Variants in SCTR observed in about 807,000 individuals in gnomAD.
The protein encoded by SCTR is pancreatic secretin receptor.
In SCTR, 56 loss-of-function variants were observed where a neutral mutation model predicts 60.8. The observed-to-expected ratio is 0.92, with a 90% CI of 0.74 to 1.15. The LOEUF is 1.15. Among genes scored for constraint, SCTR ranks in the 50% most tolerant of loss-of-function variants. The probability of loss-of-function intolerance (pLI) is 0.00; values close to 1 mark genes in which losing one functional copy is unlikely to be tolerated. For synonymous variants in SCTR, 202 were observed against 217.0 expected, an observed-to-expected ratio of 0.93 and a Z score of 0.61; for missense variants, 562 against 550.4, an observed-to-expected ratio of 1.02 and a Z score of -0.21.
chr2:119,473,824 T>C (rs1158071724), intron 3 of SCTR, among the ~76,000 whole-genome samples: 1 of 152,140 alleles, frequency 6.6e-6, no homozygotes, highest in Admixed American at 6.5e-5. Context: ...CTGCTCCTGA[T>C]CCCAGGCCCT....
At chr2:119,475,938 G>A (rs1372264858) in intron 3 of SCTR, among the ~76,000 whole-genome samples, 2 of 151,904 alleles carry the variant, frequency 1.3e-5, no homozygotes, top group African/African-American at 2.4e-5. Context: ...GAAGACCAGC[G>A]TCCTTTTCAG....
intron 1 of SCTR, among the ~76,000 whole-genome samples, chr2:119,498,961 A>G (rs1236936948): frequency 2.6e-5 from 4 of 152,080 alleles, no homozygotes; most frequent in Admixed American, 1.3e-4. Context: ...TTAAAACATG[A>G]TTAAACTATA....
chr2:119,467,062 T>G (rs1683865164), intron 4 of SCTR, among the ~76,000 whole-genome samples: 1 of 152,128 alleles, frequency 6.6e-6, no homozygotes, highest in Non-Finnish European at 1.5e-5. Context: ...GTCAAAAAGA[T>G]CTAAGTGGAA....
rs189193516 is a variant in SCTR at position 119,519,919 on chromosome 2, G to A, written c.72+4236C>T. On this transcript the variant is annotated intron_variant, in intron 1 of 12. Transcript: ENST00000019103. ...AGGTCTCATGTCACCATGTCCAGCT[G>A]GGTGGCCTTAAGCAAATGGCTTCAC... Among the ~76,000 whole-genome samples the A allele has an allele frequency of 1.7e-4, 26 of 151,270 alleles. No individual in the cohort carries two copies. The East Asian group carries it at 4.3e-3, about 25-fold the overall frequency.
intron 3 of SCTR, among the ~76,000 whole-genome samples, chr2:119,474,977 G>A (rs911288186): frequency 6.6e-6 from 1 of 152,188 alleles, no homozygotes; most frequent in South Asian, 2.1e-4. Flanking sequence ...TGTGACCTTC[G>A]GTGCATCATT....
intron 3 of SCTR, among the ~76,000 whole-genome samples, chr2:119,478,497 C>T (rs1677440366): frequency 6.6e-6 from 1 of 152,150 alleles, no homozygotes; most frequent in African/African-American, 2.4e-5. Context: ...CCCCTGGTTG[C>T]TAAGGGGGCA....
intron 1 of SCTR, among the ~76,000 whole-genome samples, chr2:119,505,691 C>T (rs563132194): frequency 3.5e-5 from 5 of 141,268 alleles, no homozygotes; most frequent in African/African-American, 1.1e-4. Flanking sequence ...GAACATCACA[C>T]ACCGGGGCCT....
intron 1 of SCTR, among the ~76,000 whole-genome samples, chr2:119,507,771 C>T (rs995210370): frequency 6.7e-6 from 1 of 149,694 alleles, no homozygotes; most frequent in Admixed American, 6.7e-5. Context: ...CTCTGCCTCC[C>T]AGGTTCAAGC....
chr2:119,473,170 G>C (rs746837069), intron 4 of SCTR, among the ~76,000 whole-genome samples: 2 of 152,142 alleles, frequency 1.3e-5, no homozygotes, highest in African/African-American at 2.4e-5. Flanking sequence ...TCTTTCAGTT[G>C]AATGAATACA....
intron 4 of SCTR, 51 bp from the exon 5 acceptor site, chr2:119,465,937 C>G: frequency 7.6e-7 from 1 of 1,315,486 alleles, no homozygotes; most frequent in Non-Finnish European, 1.1e-6. Context: ...GCTAGCTCTG[C>G]CTTCTGTGCC....
intron 5 of SCTR, among the ~76,000 whole-genome samples, chr2:119,465,201 C>T (rs1428219949): frequency 6.6e-6 from 1 of 152,162 alleles, no homozygotes. Context: ...TTACTGGAAC[C>T]AGAGGGGAAG....
chr2:119,477,145 A>G (rs73951144), intron 3 of SCTR, among the ~76,000 whole-genome samples: 4,701 of 152,266 alleles, frequency 0.031, 231 homozygotes, highest in African/African-American at 0.11. Flanking sequence ...GCAGTGAGCA[A>G]CTTGGATCCC....
At chr2:119,480,219 C>T (rs187640630) in intron 2 of SCTR, among the ~76,000 whole-genome samples, 1 of 152,262 alleles carries the variant, frequency 6.6e-6, no homozygotes, top group Non-Finnish European at 1.5e-5. Context: ...AAAGACATAC[C>T]TGAGACTGGG....
rs1168313541 is a variant in SCTR at position 119,444,418 on chromosome 2, CATATACGTATGAATATACACATAT to C, written c.1140+2317_1140+2340del. Reference sequence around the variant, plus strand: ...ACATATACGTATGAATATATATACCCATATACGTATGAATATACACATATATATACGTACGTATATATATACACA... The same window carrying C: ...ACATATACGTATGAATATATATACCCATATACGTACGTATATATATACACA... On this transcript the variant is annotated intron_variant, in intron 11 of 12. Coordinates refer to ENST00000019103, the MANE Select transcript of SCTR (RefSeq NM_002980.3). Among the ~76,000 whole-genome samples, 92 of 10,278 alleles carry C rather than the reference CATATACGTATGAATATACACATAT, an allele frequency of 9.0e-3. 3 individuals carry two copies. The highest frequency in any genetic ancestry group is 0.018 in the Non-Finnish European group (87 of 4,858). The allele number at this position is 10,278 out of a possible 152,430, so 6.7% of individuals were successfully genotyped here. A position where few individuals can be genotyped will look rare whatever the true frequency, so the allele number is the denominator to read the frequency against.
intron 2 of SCTR, among the ~76,000 whole-genome samples, chr2:119,483,620 C>G (rs184599205): frequency 6.6e-6 from 1 of 152,328 alleles, no homozygotes; most frequent in African/African-American, 2.4e-5. Flanking sequence ...TTGGCTGGTA[C>G]ATGGTTGAAC....
At chr2:119,502,457 A>C (rs1678584385) in intron 1 of SCTR, among the ~76,000 whole-genome samples, 1 of 152,212 alleles carries the variant, frequency 6.6e-6, no homozygotes, top group Non-Finnish European at 1.5e-5. Context: ...TTTCCAAACT[A>C]TGTTTAACAC....
chr2:119,508,787 C>G (rs1039504370), intron 1 of SCTR, among the ~76,000 whole-genome samples: 3 of 152,136 alleles, frequency 2.0e-5, no homozygotes, highest in African/African-American at 7.2e-5. Context: ...TCTTATTGAG[C>G]TAATTAACAT....
intron 12 of SCTR, among the ~76,000 whole-genome samples, chr2:119,441,036 C>T (rs1045265784): frequency 6.6e-6 from 1 of 152,228 alleles, no homozygotes; most frequent in African/African-American, 2.4e-5. Flanking sequence ...ATGTGAGGCT[C>T]GAGTCCTCAA....
chr2:119,458,012 G>C (rs1683440641), intron 7 of SCTR, among the ~76,000 whole-genome samples: 1 of 152,150 alleles, frequency 6.6e-6, no homozygotes, highest in African/African-American at 2.4e-5. Flanking sequence ...AAATGCCTTG[G>C]GCTGGGTGTG....
Sources: allele counts gnomAD v4.1 joint callset (sites outside exome capture counted in the v4.1 genomes callset), GRCh38; gene constraint gnomAD v4.1.1; transcripts MANE v1.5; gene names NCBI Gene and HGNC (gene_info 2026-07-23, HGNC 2026-07-21).